ANKFN1: variants seen among roughly 807,000 people sequenced by gnomAD.
ANKFN1 encodes ankyrin repeat and fibronectin type III domain containing 1.
ANKFN1 carries 74 observed loss-of-function variants against 108.7 expected under a neutral mutation model. The observed-to-expected ratio is 0.68, with a 90% CI of 0.56 to 0.83. The LOEUF is 0.83. Among genes scored for constraint, ANKFN1 ranks in the 40% least tolerant of loss-of-function variants. The pLI, the probability that ANKFN1 is intolerant of heterozygous loss-of-function variation, is 0.00. For synonymous variants in ANKFN1, 547 were observed against 516.2 expected (o/e 1.06, Z -0.81); for missense variants, 1,505 against 1,382.3 (o/e 1.09, Z -1.41).
chr17:56,362,195 T>C (rs551290220), intron 6 of ANKFN1, among the ~76,000 whole-genome samples: 2 of 152,324 alleles, frequency 1.3e-5, no homozygotes, highest in South Asian at 4.1e-4. Context: ...TTAGCCAACA[T>C]AACTCTCAAA....
intron 1 of ANKFN1, among the ~76,000 whole-genome samples, chr17:56,170,807 T>TATATATATATATATACAC (rs1361307404): frequency 3.6e-4 from 22 of 61,450 alleles, no homozygotes; most frequent in East Asian, 9.8e-4. Flanking sequence ...TATATATATA[T>TATATATATATATATACAC]ACACACACAC....
intron 18 of ANKFN1, among the ~76,000 whole-genome samples, chr17:56,491,484 G>GA (rs1226801401): frequency 6.6e-6 from 1 of 152,092 alleles, no homozygotes; most frequent in African/African-American, 2.4e-5. Context: ...TGTTCCTCCT[G>GA]AAAAAAGGAA....
intron 4 of ANKFN1, among the ~76,000 whole-genome samples, chr17:56,129,062 T>C (rs764891148): frequency 1.3e-5 from 2 of 152,218 alleles, no homozygotes; most frequent in African/African-American, 4.8e-5. Flanking sequence ...TACTGCTTTT[T>C]ATAAAGAAGC....
intron 4 of ANKFN1, among the ~76,000 whole-genome samples, chr17:56,097,870 T>G (rs1905562730): frequency 6.6e-6 from 1 of 152,220 alleles, no homozygotes; most frequent in African/African-American, 2.4e-5. Flanking sequence ...TCATATTATT[T>G]GGGTAATATT....
At chr17:56,473,118 C>T (rs1483474003) in intron 15 of ANKFN1, 6 of 152,038 alleles carry the variant, frequency 3.9e-5, no homozygotes, top group Admixed American at 2.0e-4. Flanking sequence ...TTATTCATCT[C>T]GATGTCATCA....
At chr17:56,220,921 A>C in intron 2 of ANKFN1, among the ~76,000 whole-genome samples, 1 of 147,110 alleles carries the variant, frequency 6.8e-6, no homozygotes, top group Admixed American at 6.8e-5. Context: ...TGGGGGAGGG[A>C]GGAACGAACG....
At chr17:56,372,534 C>G in intron 6 of ANKFN1, 112 bp from the exon 7 acceptor site, 1 of 933,216 alleles carries the variant, frequency 1.1e-6, no homozygotes, top group Admixed American at 3.3e-5. Context: ...CCACTTTTCC[C>G]AGGCATTTTT....
chr17:56,506,052 TG>T (rs1477441588), intron 20 of ANKFN1, among the ~76,000 whole-genome samples: 4 of 150,926 alleles, frequency 2.7e-5, no homozygotes, highest in African/African-American at 9.9e-5. Context: ...TTGTTTTTTT[TG>T]TTTGTTTGTT....
chr17:56,046,736 G>A (rs1904684896), intron 4 of ANKFN1, among the ~76,000 whole-genome samples: 1 of 152,138 alleles, frequency 6.6e-6, no homozygotes, highest in African/African-American at 2.4e-5. Flanking sequence ...CATCCCTCTA[G>A]CTGCAAAAAG....
chr17:56,157,570 G>A (rs578033867), intron 1 of ANKFN1, among the ~76,000 whole-genome samples: 14 of 152,306 alleles, frequency 9.2e-5, no homozygotes, highest in African/African-American at 2.9e-4. Flanking sequence ...GTGGACTATG[G>A]CGTCTTACCA....
intron 1 of ANKFN1, among the ~76,000 whole-genome samples, chr17:56,170,801 T>TACACACACACAC (rs1224594065): frequency 7.8e-5 from 5 of 64,238 alleles, no homozygotes; most frequent in Middle Eastern, 8.1e-3. Flanking sequence ...TATATATATA[T>TACACACACACAC]ATATATACAC....
chr17:56,323,558 A>G (rs1331163689), intron 3 of ANKFN1: 1 of 152,640 alleles, frequency 6.6e-6, no homozygotes, highest in African/African-American at 2.4e-5. Context: ...AGTGTGATCA[A>G]TATGGGCTGA....
At chr17:56,294,656 C>A (rs1198123483) in intron 3 of ANKFN1, among the ~76,000 whole-genome samples, 2 of 152,220 alleles carry the variant, frequency 1.3e-5, no homozygotes, top group Non-Finnish European at 2.9e-5. Flanking sequence ...ATTGTTCAAA[C>A]TGGAACAAGG....
intron 4 of ANKFN1, among the ~76,000 whole-genome samples, chr17:56,128,306 G>A (rs939631058): frequency 6.6e-5 from 10 of 151,838 alleles, no homozygotes; most frequent in Non-Finnish European, 1.3e-4. Context: ...GCAATGGAAA[G>A]ACGGGATTCT....
At chr17:56,295,100 G>A (rs1348222621) in intron 3 of ANKFN1, among the ~76,000 whole-genome samples, 1 of 152,208 alleles carries the variant, frequency 6.6e-6, no homozygotes, top group East Asian at 1.9e-4. Flanking sequence ...GGAAAACACT[G>A]GGTTTCCTCT....
chr17:56,342,399 T>A (rs573740379), intron 4 of ANKFN1, among the ~76,000 whole-genome samples: 1 of 151,970 alleles, frequency 6.6e-6, no homozygotes, highest in Non-Finnish European at 1.5e-5. Context: ...GTTAGGTTGT[T>A]AACTTGAGAT....
At chr17:56,411,824 C>A (rs1330824984) in intron 8 of ANKFN1, among the ~76,000 whole-genome samples, 2 of 151,934 alleles carry the variant, frequency 1.3e-5, no homozygotes, top group East Asian at 3.9e-4. Context: ...CCCTTCATAC[C>A]CCTGGAATGA....
At chr17:56,068,030 T>A (rs17819679) in intron 4 of ANKFN1, among the ~76,000 whole-genome samples, 10,882 of 152,160 alleles carry the variant, frequency 0.072, 488 homozygotes, top group East Asian at 0.16. Flanking sequence ...CAGACCTCTC[T>A]ATGTGAAGAC....
intron 20 of ANKFN1, among the ~76,000 whole-genome samples, chr17:56,499,990 G>A (rs1327000138): frequency 6.6e-5 from 10 of 152,136 alleles, no homozygotes; most frequent in African/African-American, 1.9e-4. Flanking sequence ...CCCATAGGGG[G>A]CAGCATGGTG....
Sources: gnomAD v4.1 joint callset for allele counts (sites outside exome capture counted in the v4.1 genomes callset) on GRCh38, gnomAD v4.1.1 for gene constraint, MANE v1.5 for transcripts, NCBI Gene and HGNC (gene_info 2026-07-23, HGNC 2026-07-21) for gene names.